Variants in PLOD3 observed in about 807,000 individuals in gnomAD.
The protein encoded by PLOD3 is procollagen-lysine,2-oxoglutarate 5-dioxygenase 3.
PLOD3 carries 73 observed loss-of-function variants against 96.9 expected under a neutral mutation model. The observed-to-expected ratio is 0.75, with a 90% CI of 0.62 to 0.92. The LOEUF (loss-of-function observed/expected upper bound fraction) is 0.92, where lower values mean the gene tolerates loss of function less well. PLOD3 is among the 40% of genes least tolerant of loss of function. The pLI, the probability that PLOD3 is intolerant of heterozygous loss-of-function variation, is 0.00. For missense variants in PLOD3, 1,004 were observed against 1,004.3 expected, an observed-to-expected ratio of 1.00 and a Z score of 0.00; for synonymous variants, 454 against 413.7, an observed-to-expected ratio of 1.10 and a Z score of -1.18.
intron 11 of PLOD3, 22 bp from the exon 12 acceptor site, chr7:101,211,738 G>T: frequency 6.3e-7 from 1 of 1,599,450 alleles, no homozygotes; most frequent in Non-Finnish European, 8.5e-7. Context: ...TGGGGGTGAG[G>T]GCTGGGCAGA....
At position 101,210,825 on chromosome 7, in the gene PLOD3, C is replaced by T. The variant is rs1798170685; in HGVS notation, c.1359-152G>A. The T allele has an allele frequency of 6.7e-6, 5 of 741,354 alleles. No homozygotes were observed. In the East Asian group the frequency reaches 1.3e-4, roughly 20 times the overall value. The allele number at this position is 741,354 out of a possible 1,614,324, so 45.9% of individuals were successfully genotyped here. A position where few individuals can be genotyped will look rare whatever the true frequency, so the allele number is the denominator to read the frequency against. ...GTCAAGCACTGCTGGTCCCAACCAC[C>T]CCACCTCCCAAAATGCGGTCAGTTC... On this transcript the variant is annotated intron_variant, in intron 12 of 18. Coordinates refer to ENST00000223127, the MANE Select transcript of PLOD3 (RefSeq NM_001084.5).
chr7:101,214,361 C>T (rs937093053), intron 6 of PLOD3, among the ~76,000 whole-genome samples: 1 of 151,958 alleles, frequency 6.6e-6, no homozygotes, highest in African/African-American at 2.4e-5. Flanking sequence ...AAACTCCTGA[C>T]CTCAAGTGAT....
rs200102668 is a variant in PLOD3 at position 101,210,179 on chromosome 7, G to T, written c.1615-18C>A. The stretch of plus-strand genomic sequence containing the variant: ...TTCCAGTCCTGTGAGAGGGTGGGGG[G>T]CACATCAGATCTGTGCCCCCCTCGC... On this transcript the variant is annotated intron_variant, in intron 14 of 18. Coordinates refer to ENST00000223127, the MANE Select transcript of PLOD3 (RefSeq NM_001084.5). The T allele has an allele frequency of 6.9e-6, 11 of 1,589,270 alleles. No individual in the cohort carries two copies. Among genetic ancestry groups the T allele is most frequent in the Middle Eastern group, 1.7e-4 (1 of 5,996 alleles).
intron 9 of PLOD3, 49 bp from the exon 10 acceptor site, chr7:101,212,423 C>T (rs748596249): frequency 6.2e-7 from 1 of 1,601,096 alleles, no homozygotes; most frequent in South Asian, 1.1e-5. Context: ...AGGGAGGCGG[C>T]ACCTGAGGGA....
At chr7:101,208,033 G>C (rs1346408385) in intron 16 of PLOD3, among the ~76,000 whole-genome samples, 1 of 152,138 alleles carries the variant, frequency 6.6e-6, no homozygotes. Flanking sequence ...CTCACAGCAG[G>C]GCAGAGCTCG....
chr7:101,213,291 C>A, intron 6 of PLOD3, 87 bp from the exon 7 acceptor site: 1 of 880,860 alleles, frequency 1.1e-6, no homozygotes, highest in South Asian at 1.4e-5. Flanking sequence ...GTCCCAAATT[C>A]TCCAGGGAAT....
At chr7:101,212,096 G>C in intron 10 of PLOD3, 146 bp from the exon 11 acceptor site, 1 of 1,102,176 alleles carries the variant, frequency 9.1e-7, no homozygotes, top group East Asian at 2.4e-5. Context: ...AGCTGGCAAG[G>C]GCAGGAGTGA....
In PLOD3 at chr7:101,210,122, C is replaced by T; in HGVS notation, c.1654G>A (p.Ala552Thr). Residue 552 changes from alanine (A) to threonine (T), a missense_variant, in exon 15 of 19, where the codon GCC (alanine) becomes ACC (threonine). Physicochemically the swap from Ala to Thr is moderately conservative, Grantham distance 58. Around this residue, in one of 5 missense-constraint regions of PLOD3, gnomAD observed 65 missense variants for 68.8 expected, o/e 0.94. Coordinates refer to ENST00000223127, the MANE Select transcript of PLOD3 (RefSeq NM_001084.5). ...EQYIHENYSR[A>T]LEGEGIVEQP... ...TCCACGATTCCTTCCCCTTCCAGGG[C>T]CCGGCTGTAGTTCTCGTGGATGTAC... The T allele has an allele frequency of 6.2e-7, 1 of 1,605,588 alleles. No individual in the cohort carries two copies. The highest frequency in any genetic ancestry group is 8.5e-7 in the Non-Finnish European group (1 of 1,176,240).
chr7:101,213,431 A>G, intron 6 of PLOD3: 2 of 588,620 alleles, frequency 3.4e-6, no homozygotes, highest in Non-Finnish European at 3.1e-6. Context: ...TGGGCGAGGA[A>G]GGGGAGGGTG....
At position 101,217,252 on chromosome 7, in the gene PLOD3, G is replaced by A. The variant is rs1372942703; in HGVS notation, c.23C>T (p.Pro8Leu). The change falls in exon 1 of 19, where the codon CCC becomes CTC. Residue 8 changes from proline (P) to leucine (L), a missense_variant. Around this residue, in one of 5 missense-constraint regions of PLOD3, gnomAD observed 690 missense variants for 650.2 expected, o/e 1.06. Transcript: ENST00000223127. MTSSGPG[P>L]RFLLLLPLLL... is the part of the protein sequence containing the mutation. The stretch of plus-strand genomic sequence containing the variant: ...CAGCGGCAGCAGCAGCAGGAACCGG[G>A]GTCCAGGCCCCGAGGAGGTCATGGT... 3 of 1,494,914 alleles carry A rather than the reference G, an allele frequency of 2.0e-6. No individual in the cohort carries two copies. The highest frequency in any genetic ancestry group is 2.4e-5 in the Admixed American group (1 of 41,810). 92.6% of individuals were successfully genotyped at this position (1,494,914 alleles called of 1,614,324 possible).
At position 101,212,624 on chromosome 7, in the gene PLOD3, A is replaced by T; in HGVS notation, c.911T>A (p.Val304Glu). ...GGGCAGAAACGGAGTAGGCTGTTCC[A>T]CAAACACGGCCAGAAACACCCGGGG... ...PPPRVFLAVFVEQPTPFLPRF... is the reference protein window; with the variant it reads ...PPPRVFLAVFEEQPTPFLPRF... Residue 304 changes from valine (V) to glutamate (E), a missense_variant, in exon 9 of 19, where the codon GTG (valine) becomes GAG (glutamate). Around this residue, in one of 5 missense-constraint regions of PLOD3, gnomAD observed 690 missense variants for 650.2 expected, o/e 1.06. Transcript: ENST00000223127. 5 of 1,613,890 alleles carry T rather than the reference A, an allele frequency of 3.1e-6. No individual in the cohort carries two copies. The highest frequency in any genetic ancestry group is 4.2e-6 in the Non-Finnish European group (5 of 1,179,932).
At position 101,210,614 on chromosome 7, in the gene PLOD3, C is replaced by T. The variant is rs762343753; in HGVS notation, c.1418G>A (p.Arg473Gln). Residue 473 changes from arginine to glutamine, a missense_variant, in exon 13 of 19, where the codon CGG becomes CAG. Around this residue, in one of 5 missense-constraint regions of PLOD3, gnomAD observed 690 missense variants for 650.2 expected, o/e 1.06. Coordinates refer to ENST00000223127, the MANE Select transcript of PLOD3 (RefSeq NM_001084.5). ...CACATCCCTCTGGGGCAGCTCCATC[C>T]GCAGGGTATCACCCCGGATCACATA... Reference protein sequence around the residue: ...QAYVIRGDTLRMELPQRDVFS... With the variant: ...QAYVIRGDTLQMELPQRDVFS... 2.2e-5 allele frequency: 36 copies of T among 1,614,052 alleles called. No homozygotes were observed. In the East Asian group the frequency reaches 5.1e-4, roughly 23 times the overall value.
intron 18 of PLOD3, 112 bp from the exon 19 acceptor site, chr7:101,206,548 G>A (rs957029293): frequency 1.3e-5 from 14 of 1,089,770 alleles, no homozygotes; most frequent in East Asian, 2.6e-5. Context: ...GCAGACCGGG[G>A]TGACAAGGGA....
In PLOD3 at chr7:101,210,363, G is replaced by C. The variant is rs1208860656; in HGVS notation, c.1582C>G (p.Pro528Ala). The stretch of plus-strand genomic sequence containing the variant: ...TTGTCGAAGATCTGCCAGAGGTCGG[G>C]GTGCAGGTGCTCCGTGTCGTATCTG... ...TSRYDTEHLHPDLWQIFDNPV... is the reference protein window; with the variant it reads ...TSRYDTEHLHADLWQIFDNPV... Residue 528 changes from proline (P) to alanine (A), a missense_variant, in exon 14 of 19, where the codon CCC becomes GCC. Pro to Ala is a conservative substitution (Grantham distance 27). Coordinates refer to ENST00000223127, the MANE Select transcript of PLOD3 (RefSeq NM_001084.5). The C allele has an allele frequency of 6.2e-7, 1 of 1,614,002 alleles. No homozygotes were observed. The highest frequency in any genetic ancestry group is 1.3e-5 in the African/African-American group (1 of 74,928).
At chr7:101,212,468 G>C in intron 9 of PLOD3, 62 bp downstream of exon 9, 2 of 1,589,660 alleles carry the variant, frequency 1.3e-6, no homozygotes, top group Non-Finnish European at 1.7e-6. Context: ...GTGGGGGCAC[G>C]AGAGTTCTGA....
chr7:101,217,395 G>T lies in PLOD3; in HGVS notation c.-121C>A. The T allele has an allele frequency of 9.8e-7, 1 of 1,020,236 alleles. No homozygotes were observed. The highest frequency in any genetic ancestry group is 1.3e-6 in the Non-Finnish European group (1 of 767,550). The allele number at this position is 1,020,236 out of a possible 1,614,324, so 63.2% of individuals were successfully genotyped here. A position where few individuals can be genotyped will look rare whatever the true frequency, so the allele number is the denominator to read the frequency against. On this transcript the variant is annotated 5_prime_UTR_variant, in exon 1 of 19. Coordinates refer to ENST00000223127, the MANE Select transcript of PLOD3 (RefSeq NM_001084.5). ...CGGGCTGCTGTGCGGCCGCCGCGGG[G>T]AGCAGCTTGGCTGGGGCTACGCCCT...
At chr7:101,210,721 T>C (rs369170520) in intron 12 of PLOD3, 48 bp from the exon 13 acceptor site, 17 of 1,608,286 alleles carry the variant, frequency 1.1e-5, no homozygotes, top group East Asian at 2.2e-5. Context: ...CCCCCCAAAT[T>C]CTGCCCAGCT....
chr7:101,217,504 A>G lies in PLOD3; in HGVS notation c.-230T>C. On this transcript the variant is annotated 5_prime_UTR_variant, in exon 1 of 19. Coordinates refer to ENST00000223127, the MANE Select transcript of PLOD3 (RefSeq NM_001084.5). The stretch of plus-strand genomic sequence containing the variant: ...GCGAGGATTGTCCCGGGCGCACGGG[A>G]GGCGGGGGAGGGGCGGCGGCTCGGG... 1 of 409,278 alleles carries G rather than the reference A, an allele frequency of 2.4e-6. No individual in the cohort carries two copies. The highest frequency in any genetic ancestry group is 3.7e-5 in the South Asian group (1 of 27,340). The allele number at this position is 409,278 out of a possible 1,614,324, so 25.4% of individuals were successfully genotyped here.
intron 7 of PLOD3, 51 bp from the exon 8 acceptor site, chr7:101,212,994 T>TG: frequency 7.5e-7 from 1 of 1,337,370 alleles, no homozygotes; most frequent in Non-Finnish European, 1.0e-6. Flanking sequence ...GGGGTGGAGG[T>TG]GGGGGTCAGG....
Sources: allele counts gnomAD v4.1 joint callset (sites outside exome capture counted in the v4.1 genomes callset), GRCh38; gene constraint gnomAD v4.1.1; regional missense constraint gnomAD v4.1.1; transcripts MANE v1.5; gene names NCBI Gene and HGNC (gene_info 2026-07-23, HGNC 2026-07-21).